Variants in GRAMD1C observed in about 807,000 individuals in gnomAD.
GRAMD1C encodes the protein GRAM domain containing 1C, also known as protein Aster-C.
A neutral mutation model predicts 97.8 loss-of-function variants in GRAMD1C; 89 were observed. The observed-to-expected ratio is 0.91, with a 90% confidence interval of 0.77 to 1.09. The LOEUF is 1.09. Ranked by LOEUF, GRAMD1C falls within the 50% of genes least tolerant of loss-of-function variation. The pLI is 0.00. For synonymous variants in GRAMD1C, 256 were observed against 267.0 expected (o/e 0.96, Z 0.40); for missense variants, 740 against 766.4 (o/e 0.97, Z 0.41).
rs751222053 is a variant in GRAMD1C at position 113,915,767 on chromosome 3, A to T, written c.1019A>T (p.Asp340Val). 5.6e-6 allele frequency: 9 copies of T among 1,610,262 alleles called. No homozygotes were observed. The highest frequency in any genetic ancestry group is 7.6e-6 in the Non-Finnish European group (9 of 1,176,694). ...AACCGTATTTTTCATATCAGTGCTGACAGAATGTTTGAATTGCTCTTTACC... is the reference window on the plus strand; with the variant it reads ...AACCGTATTTTTCATATCAGTGCTGTCAGAATGTTTGAATTGCTCTTTACC... Reference protein sequence around the residue: ...FINRIFHISADRMFELLFTSS... With the variant: ...FINRIFHISAVRMFELLFTSS... The change falls in exon 10 of 18, where the codon GAC (aspartate) becomes GTC (valine). Residue 340 changes from aspartate to valine, a missense_variant. Physicochemically the swap from Asp to Val is radical, Grantham distance 152. Transcript: ENST00000358160.
At chr3:113,858,902 T>C (rs1934260406) in intron 2 of GRAMD1C, among the ~76,000 whole-genome samples, 1 of 152,182 alleles carries the variant, frequency 6.6e-6, no homozygotes, top group South Asian at 2.1e-4. Flanking sequence ...GCTATATCCT[T>C]TTGAGTTCTG....
At chr3:113,887,085 G>GTTTTTGT (rs1935524224) in intron 6 of GRAMD1C, among the ~76,000 whole-genome samples, 3 of 71,456 alleles carry the variant, frequency 4.2e-5, no homozygotes, top group Non-Finnish European at 5.8e-5. Flanking sequence ...TGGCCTTTTT[G>GTTTTTGT]TTTTTTTTTT....
At chr3:113,889,767 T>C (rs1185626937) in intron 6 of GRAMD1C, among the ~76,000 whole-genome samples, 1 of 151,900 alleles carries the variant, frequency 6.6e-6, no homozygotes, top group African/African-American at 2.4e-5. Context: ...GCCTCCCGAG[T>C]AGCTGGGATT....
chr3:113,843,581 G>C (rs1437717192), intron 1 of GRAMD1C, among the ~76,000 whole-genome samples: 2 of 151,888 alleles, frequency 1.3e-5, no homozygotes, highest in African/African-American at 4.8e-5. Context: ...CTGGGTTCAA[G>C]CAATTCTTCT....
At chr3:113,878,277 A>G (rs1935125784) in intron 5 of GRAMD1C, among the ~76,000 whole-genome samples, 1 of 152,164 alleles carries the variant, frequency 6.6e-6, no homozygotes, top group Non-Finnish European at 1.5e-5. Flanking sequence ...AGCTGGCTCC[A>G]GTATCCTTTT....
At chr3:113,880,796 G>A (rs1384843967) in intron 5 of GRAMD1C, among the ~76,000 whole-genome samples, 1 of 151,980 alleles carries the variant, frequency 6.6e-6, no homozygotes, top group Non-Finnish European at 1.5e-5. Flanking sequence ...TTCTCATTTT[G>A]CAGATGAGAA....
chr3:113,905,500 C>A (rs1320055470), intron 8 of GRAMD1C, among the ~76,000 whole-genome samples: 1 of 152,192 alleles, frequency 6.6e-6, no homozygotes, highest in Non-Finnish European at 1.5e-5. Flanking sequence ...GGCTTCAAAT[C>A]TTACATCTGC....
At chr3:113,943,406 A>G (rs564188213) in intron 17 of GRAMD1C, among the ~76,000 whole-genome samples, 13 of 152,340 alleles carry the variant, frequency 8.5e-5, no homozygotes, top group African/African-American at 2.2e-4. Context: ...CTAATTCCAG[A>G]GCATTTTCAT....
chr3:113,926,637 C>A (rs562831982), intron 10 of GRAMD1C, among the ~76,000 whole-genome samples: 1 of 152,244 alleles, frequency 6.6e-6, no homozygotes, highest in South Asian at 2.1e-4. Context: ...TCTGTATGGA[C>A]TGATGTTCCT....
chr3:113,858,393 CATT>C (rs1486427653), intron 2 of GRAMD1C, among the ~76,000 whole-genome samples: 2 of 76,608 alleles, frequency 2.6e-5, no homozygotes, highest in Non-Finnish European at 4.4e-5. Context: ...ATCCCAGCTA[CATT>C]TTTTTTTTTT....
chr3:113,848,305 G>A (rs1933704990), intron 2 of GRAMD1C, among the ~76,000 whole-genome samples: 1 of 152,088 alleles, frequency 6.6e-6, no homozygotes, highest in South Asian at 2.1e-4. Flanking sequence ...TACAACACTG[G>A]TCTGTCTTGA....
At chr3:113,911,913 G>C (rs1351173331) in intron 9 of GRAMD1C, among the ~76,000 whole-genome samples, 1 of 151,992 alleles carries the variant, frequency 6.6e-6, no homozygotes, top group Non-Finnish European at 1.5e-5. Context: ...ATTTTTGGTA[G>C]AGATGGGGTT....
At chr3:113,865,066 G>A (rs894295899) in intron 2 of GRAMD1C, among the ~76,000 whole-genome samples, 2 of 152,106 alleles carry the variant, frequency 1.3e-5, no homozygotes, top group South Asian at 2.1e-4. Context: ...GGTCTCATCC[G>A]GCCAGGGTCT....
intron 2 of GRAMD1C, among the ~76,000 whole-genome samples, chr3:113,855,195 C>T (rs1217266026): frequency 1.3e-5 from 2 of 152,188 alleles, no homozygotes. Flanking sequence ...CCTGTAATCC[C>T]AGCTAATTGG....
chr3:113,877,724 G>A (rs1053428396), intron 5 of GRAMD1C, among the ~76,000 whole-genome samples: 7 of 151,738 alleles, frequency 4.6e-5, no homozygotes, highest in African/African-American at 1.7e-4. Context: ...TTAAGGTGGT[G>A]TCTGCAGACT....
intron 2 of GRAMD1C, among the ~76,000 whole-genome samples, chr3:113,852,688 G>A (rs1270500770): frequency 1.3e-5 from 2 of 152,208 alleles, no homozygotes; most frequent in African/African-American, 4.8e-5. Context: ...TACCCGTGAG[G>A]AATTTGCTCA....
intron 2 of GRAMD1C, among the ~76,000 whole-genome samples, chr3:113,859,043 T>C (rs1443115724): frequency 6.6e-6 from 1 of 152,204 alleles, no homozygotes; most frequent in Non-Finnish European, 1.5e-5. Flanking sequence ...CTTTGTTTTA[T>C]TGATATTCTC....
intron 6 of GRAMD1C, among the ~76,000 whole-genome samples, chr3:113,883,801 A>G (rs1935351109): frequency 1.3e-5 from 2 of 152,080 alleles, no homozygotes; most frequent in Admixed American, 1.3e-4. Flanking sequence ...CAGAGGCCCA[A>G]AATATACAAG....
At chr3:113,835,864 A>G (rs1709623329), upstream of GRAMD1C, among the ~76,000 whole-genome samples, 1 of 152,184 alleles carries the variant, frequency 6.6e-6, no homozygotes, top group African/African-American at 2.4e-5. Context: ...TTTATGTTTA[A>G]CAGAACACAG....
Sources: allele counts gnomAD v4.1 joint callset (sites outside exome capture counted in the v4.1 genomes callset), GRCh38; gene constraint gnomAD v4.1.1; transcripts MANE v1.5; gene names NCBI Gene and HGNC (gene_info 2026-07-23, HGNC 2026-07-21).